Variants in BCKDHB observed in about 807,000 individuals in gnomAD.
BCKDHB encodes 2-oxoisovalerate dehydrogenase subunit beta, mitochondrial.
Under a neutral mutation model 48.5 loss-of-function variants are expected in BCKDHB, and 41 were observed. The observed-to-expected ratio is 0.85, with a 90% CI of 0.66 to 1.10. The LOEUF is 1.10. BCKDHB is among the 50% of genes least tolerant of loss of function. The pLI, the probability that BCKDHB is intolerant of heterozygous loss-of-function variation, is 0.00. For missense variants in BCKDHB, 496 were observed against 494.2 expected, an observed-to-expected ratio of 1.00 and a Z score of -0.03; for synonymous variants, 201 against 174.8, an observed-to-expected ratio of 1.15 and a Z score of -1.18.
At chr6:80,209,953 T>C (rs929044718) in intron 8 of BCKDHB, among the ~76,000 whole-genome samples, 3 of 151,854 alleles carry the variant, frequency 2.0e-5, no homozygotes, top group South Asian at 2.1e-4. Context: ...AATAGAAATA[T>C]GGGTAACAGT....
At chr6:80,412,398 C>G in the BCKDHB span, among the ~76,000 whole-genome samples, 167 of 152,172 alleles carry the variant, frequency 1.1e-3, no homozygotes, top group African/African-American at 3.9e-3. Context: ...CCACCTGTCT[C>G]GGCCTCCCAG....
chr6:80,297,982 T>TCC (rs1260748599), intron 9 of BCKDHB, among the ~76,000 whole-genome samples: 1 of 151,486 alleles, frequency 6.6e-6, no homozygotes, highest in African/African-American at 2.4e-5. Flanking sequence ...ATTTTTTTTT[T>TCC]CCCCCAAAAT....
intron 9 of BCKDHB, among the ~76,000 whole-genome samples, chr6:80,323,889 C>G (rs1045668184): frequency 1.3e-5 from 2 of 152,260 alleles, no homozygotes; most frequent in East Asian, 3.9e-4. Context: ...TCTCCTGTCT[C>G]AGCCTCCGGA....
At chr6:80,133,253 A>T (rs888538014) in intron 3 of BCKDHB, among the ~76,000 whole-genome samples, 20 of 152,224 alleles carry the variant, frequency 1.3e-4, no homozygotes, top group African/African-American at 4.8e-4. Context: ...GGTTACTGAC[A>T]TACGTTGTAA....
intron 8 of BCKDHB, among the ~76,000 whole-genome samples, chr6:80,215,985 C>T (rs371676698): frequency 2.6e-5 from 4 of 152,328 alleles, no homozygotes; most frequent in African/African-American, 9.6e-5. Flanking sequence ...CGTGATCCGC[C>T]TACCTCGGCC....
chr6:80,384,025 GT>G, the BCKDHB span, among the ~76,000 whole-genome samples: 38 of 128,690 alleles, frequency 3.0e-4, no homozygotes, highest in African/African-American at 9.8e-4. Context: ...TTTTCACATA[GT>G]TTTTTTCCCC....
chr6:80,436,417 C>A, the BCKDHB span, among the ~76,000 whole-genome samples: 1 of 151,696 alleles, frequency 6.6e-6, no homozygotes, highest in African/African-American at 2.4e-5. Flanking sequence ...CCGCCTTGGC[C>A]TCCTACTGGG....
At chr6:80,276,678 A>C (rs1253473705) in intron 9 of BCKDHB, among the ~76,000 whole-genome samples, 1 of 151,458 alleles carries the variant, frequency 6.6e-6, no homozygotes, top group Admixed American at 6.6e-5. Flanking sequence ...CATTCCTGCT[A>C]CTTTTTTTTT....
intron 4 of BCKDHB, among the ~76,000 whole-genome samples, chr6:80,168,524 T>C (rs1160587863): frequency 2.8e-5 from 3 of 107,446 alleles, no homozygotes; most frequent in African/African-American, 8.0e-5. Flanking sequence ...CTCATTGTGC[T>C]ATGGGAAAGG....
At chr6:80,140,204 G>T (rs2127740740) in intron 3 of BCKDHB, among the ~76,000 whole-genome samples, 1 of 152,246 alleles carries the variant, frequency 6.6e-6, no homozygotes, top group East Asian at 1.9e-4. Flanking sequence ...GAGATTTTGG[G>T]CTGAGACAAT....
chr6:80,377,051 T>A, the BCKDHB span, among the ~76,000 whole-genome samples: 1 of 151,418 alleles, frequency 6.6e-6, no homozygotes, highest in Non-Finnish European at 1.5e-5. Context: ...TTTTTTTTTT[T>A]TTTTTTTGAT....
intron 6 of BCKDHB, among the ~76,000 whole-genome samples, chr6:80,176,867 G>A (rs747771829): frequency 2.6e-5 from 4 of 151,986 alleles, no homozygotes; most frequent in African/African-American, 4.8e-5. Context: ...CCCTTTGAGC[G>A]GAAACAAGAA....
chr6:80,110,991 G>A (rs1769378266), intron 1 of BCKDHB, among the ~76,000 whole-genome samples: 1 of 152,212 alleles, frequency 6.6e-6, no homozygotes, highest in African/African-American at 2.4e-5. Context: ...TTCACCAGAT[G>A]ATGCTTAAAT....
the BCKDHB span, among the ~76,000 whole-genome samples, chr6:80,354,145 C>T: frequency 6.6e-6 from 1 of 151,946 alleles, no homozygotes; most frequent in Non-Finnish European, 1.5e-5. Context: ...TTTCTATTCA[C>T]CCTATTGATC....
the BCKDHB span, chr6:80,453,326 A>G: frequency 6.6e-6 from 1 of 152,156 alleles, no homozygotes; most frequent in Non-Finnish European, 1.5e-5. Flanking sequence ...CTCACATTTC[A>G]TAGTCAAAGC....
chr6:80,322,770 A>G (rs930846743), intron 9 of BCKDHB, among the ~76,000 whole-genome samples: 3 of 152,130 alleles, frequency 2.0e-5, no homozygotes, highest in Middle Eastern at 3.4e-3. Context: ...GAATCCCCAG[A>G]GTGACTGACT....
the BCKDHB span, among the ~76,000 whole-genome samples, chr6:80,428,207 C>T: frequency 9.3e-4 from 142 of 152,254 alleles, no homozygotes; most frequent in Middle Eastern, 6.8e-3. Context: ...TGAATTCATC[C>T]TTTTCTATGG....
chr6:80,314,225 T>A (rs1200572951), intron 9 of BCKDHB, among the ~76,000 whole-genome samples: 1 of 152,238 alleles, frequency 6.6e-6, no homozygotes, highest in African/African-American at 2.4e-5. Flanking sequence ...AGAATGTATA[T>A]GCTCTTCTAT....
chr6:80,451,221 T>G, the BCKDHB span, among the ~76,000 whole-genome samples: 1 of 152,220 alleles, frequency 6.6e-6, no homozygotes, highest in Non-Finnish European at 1.5e-5. Flanking sequence ...CTCATTATAT[T>G]TGGCCTGGTT....
Sources: allele counts gnomAD v4.1 joint callset (sites outside exome capture counted in the v4.1 genomes callset), GRCh38; gene constraint gnomAD v4.1.1; transcripts MANE v1.5; gene names NCBI Gene and HGNC (gene_info 2026-07-23, HGNC 2026-07-21).